NCKAP1: variants seen among roughly 807,000 people sequenced by gnomAD.
The protein encoded by NCKAP1 is nck-associated protein 1.
NCKAP1 carries 21 observed loss-of-function variants against 151.2 expected under a neutral mutation model. The observed-to-expected ratio is 0.14, with a 90% CI of 0.10 to 0.20. NCKAP1 has a LOEUF of 0.20. NCKAP1 is among the 10% of genes least tolerant of loss of function. The pLI is 1.00. For missense variants in NCKAP1, 933 were observed against 1,352.1 expected (o/e 0.69, Z 4.86); for synonymous variants, 484 against 451.8 (o/e 1.07, Z -0.90).
At position 183,002,276 on chromosome 2, in the gene NCKAP1, G is replaced by GAA. The variant is rs60075498; in HGVS notation, c.370-9_370-8dup. On this transcript the variant is annotated splice_polypyrimidine_tract_variant and splice_region_variant and intron_variant, in intron 4 of 30. Coordinates refer to ENST00000361354, the MANE Select transcript of NCKAP1 (RefSeq NM_013436.5). ...TTAAATCAAAGTTTACAGTCTAGGA[G>GAA]AAAAAAAAATCAAGTTCAACTACTT... The GAA allele has an allele frequency of 7.7e-5, 112 of 1,451,224 alleles. No homozygotes were observed. Among genetic ancestry groups the GAA allele is most frequent in the Middle Eastern group, 2.1e-4 (1 of 4,834 alleles). The allele number at this position is 1,451,224 out of a possible 1,614,324, so 89.9% of individuals were successfully genotyped here.
At chr2:182,935,867 G>A (rs945032896) in intron 24 of NCKAP1, among the ~76,000 whole-genome samples, 2 of 152,146 alleles carry the variant, frequency 1.3e-5, no homozygotes, top group African/African-American at 4.8e-5. Context: ...AATGCCTGTT[G>A]AGAACACATG....
At chr2:182,940,210 A>T (rs1023972632) in intron 24 of NCKAP1, among the ~76,000 whole-genome samples, 1 of 152,158 alleles carries the variant, frequency 6.6e-6, no homozygotes, top group Non-Finnish European at 1.5e-5. Context: ...AATGAGTATT[A>T]AAAAATGGGA....
At chr2:183,017,398 G>A (rs867907320) in intron 2 of NCKAP1, among the ~76,000 whole-genome samples, 1 of 152,216 alleles carries the variant, frequency 6.6e-6, no homozygotes, top group Middle Eastern at 3.4e-3. Context: ...GATGGGAGAC[G>A]GTGACAGATC....
intron 6 of NCKAP1, among the ~76,000 whole-genome samples, chr2:182,996,899 C>T (rs1211671685): frequency 6.6e-6 from 1 of 152,194 alleles, no homozygotes; most frequent in Non-Finnish European, 1.5e-5. Context: ...TTAAGCTACA[C>T]AAAGTGATTC....
At chr2:183,020,042 G>T (rs915921819) in intron 2 of NCKAP1, among the ~76,000 whole-genome samples, 1 of 151,662 alleles carries the variant, frequency 6.6e-6, no homozygotes, top group Non-Finnish European at 1.5e-5. Context: ...AAAGTATGGA[G>T]GTGAGGGCAG....
chr2:182,915,786 T>C lies in NCKAP1; in HGVS notation c.*9916A>G, dbSNP rs1161516968. 3 of 152,192 alleles carry C rather than the reference T, an allele frequency of 2.0e-5. No homozygotes were observed. The highest frequency in any genetic ancestry group is 2.1e-4 in the South Asian group (1 of 4,830). 9.4% of individuals were successfully genotyped at this position (152,192 alleles called of 1,614,324 possible). A position where few individuals can be genotyped will look rare whatever the true frequency, so the allele number is the denominator to read the frequency against. The stretch of plus-strand genomic sequence containing the variant: ...CTAGGGGTGAGTCACCAGAATAAAA[T>C]GATCATTTATTTCAGGACAATGACC... On this transcript the variant is annotated 3_prime_UTR_variant, in exon 31 of 31. Coordinates refer to ENST00000361354, the MANE Select transcript of NCKAP1 (RefSeq NM_013436.5).
intron 15 of NCKAP1, among the ~76,000 whole-genome samples, chr2:182,971,000 C>T (rs1382922891): frequency 6.6e-6 from 1 of 151,568 alleles, no homozygotes; most frequent in Non-Finnish European, 1.5e-5. Flanking sequence ...ACAATAACTA[C>T]CAAAAAAAAA....
rs1696352151 is a variant in NCKAP1, at chr2:182,909,279, AACC to A, written c.*16420_*16422del. 6.6e-6 allele frequency: 1 copy of A among 152,230 alleles called. No individual in the cohort carries two copies. Among genetic ancestry groups the A allele is most frequent in the South Asian group, 2.1e-4 (1 of 4,836 alleles). 9.4% of individuals were successfully genotyped at this position (152,230 alleles called of 1,614,324 possible). Reference sequence around the variant, plus strand: ...AAGTACATTCATGTTGCTGTGCAACAACCACCATCATCCACTGTCAGAACTTTT... The same window carrying A: ...AAGTACATTCATGTTGCTGTGCAACAACCATCATCCACTGTCAGAACTTTT... On this transcript the variant is annotated 3_prime_UTR_variant, in exon 31 of 31. Transcript: ENST00000361354.
At chr2:183,001,286 AGATACCT>A (rs1698369008) in intron 6 of NCKAP1, among the ~76,000 whole-genome samples, 1 of 152,196 alleles carries the variant, frequency 6.6e-6, no homozygotes, top group Non-Finnish European at 1.5e-5. Context: ...AGACTGGATA[AGATACCT>A]ATGAATTTCC....
At chr2:182,958,983 T>C (rs779600581) in intron 18 of NCKAP1, among the ~76,000 whole-genome samples, 1 of 152,206 alleles carries the variant, frequency 6.6e-6, no homozygotes, top group African/African-American at 2.4e-5. Flanking sequence ...TTGGGGTATA[T>C]AGGGTTGAAT....
chr2:182,970,102 G>A (rs887125266), intron 15 of NCKAP1, among the ~76,000 whole-genome samples: 2 of 152,102 alleles, frequency 1.3e-5, no homozygotes, highest in African/African-American at 4.8e-5. Flanking sequence ...TAAGTAATGA[G>A]ATAGAAGCAG....
intron 15 of NCKAP1, among the ~76,000 whole-genome samples, chr2:182,972,571 C>T (rs887803453): frequency 6.6e-6 from 1 of 152,068 alleles, no homozygotes; most frequent in East Asian, 1.9e-4. Context: ...GGTATATATC[C>T]AAAAGAGAGG....
intron 13 of NCKAP1, among the ~76,000 whole-genome samples, chr2:182,979,556 T>C (rs918424005): frequency 2.0e-5 from 3 of 152,132 alleles, no homozygotes; most frequent in African/African-American, 7.2e-5. Context: ...TAAAACTTTA[T>C]GATGCGAGTG....
chr2:183,004,120 C>T (rs1399064090), intron 2 of NCKAP1, among the ~76,000 whole-genome samples: 3 of 152,144 alleles, frequency 2.0e-5, no homozygotes, highest in Non-Finnish European at 2.9e-5. Context: ...GCCACTCCCA[C>T]ATCATTCAGG....
intron 17 of NCKAP1, 32 bp downstream of exon 17, chr2:182,964,644 C>T (rs749412257): frequency 6.6e-7 from 1 of 1,514,836 alleles, no homozygotes; most frequent in South Asian, 1.3e-5. Flanking sequence ...ACTTTGCATA[C>T]CATATAACTC....
rs1161534963 is a variant in NCKAP1, at chr2:182,993,725, AG to A, written c.790+1113del. On this transcript the variant is annotated intron_variant, in intron 8 of 30. Coordinates refer to ENST00000361354, the MANE Select transcript of NCKAP1 (RefSeq NM_013436.5). The stretch of plus-strand genomic sequence containing the variant: ...ACAATAGACACCAGGGCCTACTTGA[AG>A]GTTGGGATAAAAAAAACGACCTATC... Among the ~76,000 whole-genome samples, 4 of 148,512 alleles carry A rather than the reference AG, an allele frequency of 2.7e-5. 1 individual carries two copies. Among genetic ancestry groups the A allele is most frequent in the African/African-American group, 7.7e-5 (3 of 38,888 alleles).
At chr2:182,971,063 A>G (rs980974221) in intron 15 of NCKAP1, among the ~76,000 whole-genome samples, 23 of 152,186 alleles carry the variant, frequency 1.5e-4, no homozygotes, top group Non-Finnish European at 3.2e-4. Flanking sequence ...TGAAAGCTAT[A>G]AACATTGATG....
intron 6 of NCKAP1, among the ~76,000 whole-genome samples, chr2:183,000,391 C>T (rs1698354381): frequency 2.0e-5 from 3 of 152,116 alleles, no homozygotes; most frequent in African/African-American, 7.2e-5. Context: ...AAATTTTCAA[C>T]ACCTAAGTGG....
intron 23 of NCKAP1, among the ~76,000 whole-genome samples, chr2:182,945,150 G>A (rs766496652): frequency 2.0e-5 from 3 of 151,994 alleles, no homozygotes; most frequent in Admixed American, 6.6e-5. Context: ...CAGGAGAATC[G>A]CCTGAACCCG....
Sources: allele counts gnomAD v4.1 joint callset (sites outside exome capture counted in the v4.1 genomes callset), GRCh38; gene constraint gnomAD v4.1.1; transcripts MANE v1.5; gene names NCBI Gene and HGNC (gene_info 2026-07-23, HGNC 2026-07-21).